The following PRORP variants were observed in gnomAD, a reference collection of about 807,000 sequenced individuals.
PRORP encodes the protein protein only RNase P catalytic subunit, also known as mitochondrial ribonuclease P catalytic subunit.
PRORP carries 51 observed loss-of-function variants against 59.4 expected under a neutral mutation model. That is an observed-to-expected ratio of 0.86 (90% CI 0.69 to 1.08). The LOEUF is 1.08. Ranked by LOEUF, PRORP falls within the 50% of genes least tolerant of loss-of-function variation. The pLI is 0.00. For synonymous variants in PRORP, 231 were observed against 245.6 expected (o/e 0.94, Z 0.55); for missense variants, 646 against 690.3 (o/e 0.94, Z 0.72).
At chr14:35,266,937 T>G in intron 6 of PRORP, 62 bp downstream of exon 6, 1 of 1,561,356 alleles carries the variant, frequency 6.4e-7, no homozygotes. Context: ...GCTTGTTAGT[T>G]ACCTACTTTA....
At position 35,186,294 on chromosome 14, in the gene PRORP, T is replaced by A. The variant is rs139163062; in HGVS notation, c.1275+5517T>A. Among the ~76,000 whole-genome samples the A allele has an allele frequency of 3.2e-3, 489 of 152,126 alleles. 1 individual carries two copies. The highest frequency in any genetic ancestry group is 5.4e-3 in the Non-Finnish European group (367 of 68,008). On this transcript the variant is annotated intron_variant, in intron 5 of 7. Transcript: ENST00000534898. ...CACCATGCCGCCTAGATTTTGCTTT[T>A]GGCACAATTGGAGACTTGGCCAAGT...
chr14:35,159,050 A>G (rs2047993871), intron 4 of PRORP: 1 of 269,560 alleles, frequency 3.7e-6, no homozygotes, highest in South Asian at 4.0e-5. Context: ...CAGAAGAACC[A>G]CGGTGCTGCT....
chr14:35,123,001 C>T lies in PRORP; in HGVS notation c.-245C>T. 1 of 503,926 alleles carries T rather than the reference C, an allele frequency of 2.0e-6. No individual in the cohort carries two copies. Among genetic ancestry groups the T allele is most frequent in the Non-Finnish European group, 3.6e-6 (1 of 279,964 alleles). The allele number at this position is 503,926 out of a possible 1,614,324, so 31.2% of individuals were successfully genotyped here. On this transcript the variant is annotated 5_prime_UTR_variant, in exon 2 of 8. Coordinates refer to ENST00000534898, the MANE Select transcript of PRORP (RefSeq NM_014672.4). ...CACCAGAGGATTCCTGCTCTGTCCC[C>T]TGGTTTGCGGCTTGCGACGTTGGAC...
chr14:35,272,098 A>G (rs986626385), intron 7 of PRORP, among the ~76,000 whole-genome samples: 1 of 152,192 alleles, frequency 6.6e-6, no homozygotes, highest in Non-Finnish European at 1.5e-5. Flanking sequence ...CAGTTAGATA[A>G]GAGGAATACG....
At chr14:35,125,812 A>G (rs1184854492) in intron 2 of PRORP, among the ~76,000 whole-genome samples, 2 of 152,302 alleles carry the variant, frequency 1.3e-5, no homozygotes, top group East Asian at 3.9e-4. Flanking sequence ...GCTTGAGGCC[A>G]GGAGTTGGAG....
chr14:35,152,687 G>A (rs1257583229), intron 4 of PRORP, among the ~76,000 whole-genome samples: 2 of 151,544 alleles, frequency 1.3e-5, no homozygotes, highest in African/African-American at 4.9e-5. Flanking sequence ...GGCGGCTGCC[G>A]GGCGGAGGGG....
At chr14:35,172,490 TCCTCTCTC>T (rs374315224) in intron 4 of PRORP, among the ~76,000 whole-genome samples, 39,183 of 101,674 alleles carry the variant, frequency 0.39, 8,192 homozygotes, top group Middle Eastern at 0.55. Context: ...TTCTTTCCCT[TCCTCTCTC>T]CCTCTCTCCC....
At chr14:35,181,783 C>CAAA (rs71121270) in intron 5 of PRORP, among the ~76,000 whole-genome samples, 6 of 109,384 alleles carry the variant, frequency 5.5e-5, no homozygotes, top group Admixed American at 1.0e-4. Flanking sequence ...AAAACTGTCT[C>CAAA]AAAAAAAAAA....
intron 5 of PRORP, among the ~76,000 whole-genome samples, chr14:35,227,300 C>G (rs1369667232): frequency 1.3e-5 from 2 of 151,498 alleles, no homozygotes; most frequent in East Asian, 3.9e-4. Flanking sequence ...AAAATTTAGT[C>G]GGGCGTGGTG....
chr14:35,257,802 G>A (rs1300826358), intron 5 of PRORP, among the ~76,000 whole-genome samples: 1 of 152,216 alleles, frequency 6.6e-6, no homozygotes, highest in Non-Finnish European at 1.5e-5. Context: ...CTCAGGAAGT[G>A]CCATAGACTG....
chr14:35,151,092 T>A (rs2047733892), intron 4 of PRORP, among the ~76,000 whole-genome samples: 1 of 152,176 alleles, frequency 6.6e-6, no homozygotes, highest in African/African-American at 2.4e-5. Context: ...AAAAGTGTTG[T>A]GAGTTCTTTA....
intron 5 of PRORP, among the ~76,000 whole-genome samples, chr14:35,182,213 C>T (rs1339284094): frequency 1.3e-5 from 2 of 152,088 alleles, no homozygotes; most frequent in Non-Finnish European, 2.9e-5. Context: ...TTTTAGTGAG[C>T]TGAGATCATG....
rs1311188824 is a variant in PRORP, at chr14:35,142,538, AT to A, written c.1167+14931del. ...TAATTTTTAAATTAAAAAAAAAAAAATTTTAGATAGGGTAGAGATGGCATTG... is the reference window on the plus strand; with the variant it reads ...TAATTTTTAAATTAAAAAAAAAAAAATTTAGATAGGGTAGAGATGGCATTG... On this transcript the variant is annotated intron_variant, in intron 4 of 7. Coordinates refer to ENST00000534898, the MANE Select transcript of PRORP (RefSeq NM_014672.4). 3.4e-3 allele frequency among the ~76,000 whole-genome samples: 391 copies of A among 114,296 alleles called. 12 individuals carry two copies. The highest frequency in any genetic ancestry group is 9.6e-3 in the African/African-American group (341 of 35,550). 75.0% of individuals were successfully genotyped at this position (114,296 alleles called of 152,430 possible).
chr14:35,252,443 A>T (rs1198523673), intron 5 of PRORP, among the ~76,000 whole-genome samples: 1 of 152,120 alleles, frequency 6.6e-6, no homozygotes, highest in African/African-American at 2.4e-5. Flanking sequence ...AAAAACAAAC[A>T]AACAAAAAAA....
chr14:35,125,597 A>G (rs11156874), intron 2 of PRORP, among the ~76,000 whole-genome samples: 27,329 of 151,800 alleles, frequency 0.18, 2,621 homozygotes, highest in Middle Eastern at 0.27. Flanking sequence ...TTTCCCCTAT[A>G]TCATGTTTAC....
intron 4 of PRORP, among the ~76,000 whole-genome samples, chr14:35,159,998 C>T (rs910665524): frequency 6.6e-6 from 1 of 152,202 alleles, no homozygotes; most frequent in Admixed American, 6.5e-5. Context: ...GTAGTGATTC[C>T]TAGCAGGAAT....
At chr14:35,199,893 A>C (rs925667000) in intron 5 of PRORP, among the ~76,000 whole-genome samples, 8 of 152,180 alleles carry the variant, frequency 5.3e-5, no homozygotes, top group African/African-American at 1.9e-4. Flanking sequence ...TTCCAATTAT[A>C]ATAGGTCTCT....
At position 35,270,450 on chromosome 14, in the gene PRORP, C is replaced by T. The variant is rs763715708; in HGVS notation, c.1474C>T (p.His492Tyr). The T allele has an allele frequency of 8.1e-6, 13 of 1,614,130 alleles. No individual in the cohort carries two copies. The highest frequency in any genetic ancestry group is 1.7e-4 in the Middle Eastern group (1 of 6,036). Residue 492 changes from histidine (H) to tyrosine (Y), a missense_variant, in exon 7 of 8, where the codon CAC (histidine) becomes TAC (tyrosine). By Grantham distance (83) the His-to-Tyr change is moderately conservative. Coordinates refer to ENST00000534898, the MANE Select transcript of PRORP (RefSeq NM_014672.4). ...LLYATLHSGNHCRFITRDLMR... is the reference protein window; with the variant it reads ...LLYATLHSGNYCRFITRDLMR... ...GTATGCCACACTGCACTCCGGGAAT[C>T]ACTGCAGGTTTATCACAAGAGACCT...
intron 5 of PRORP, among the ~76,000 whole-genome samples, chr14:35,246,015 C>T (rs1021297002): frequency 6.6e-6 from 1 of 152,082 alleles, no homozygotes; most frequent in Admixed American, 6.6e-5. Context: ...AATATTATTT[C>T]AGAATTTTGA....
Sources: gnomAD v4.1 joint callset for allele counts (sites outside exome capture counted in the v4.1 genomes callset) on GRCh38, gnomAD v4.1.1 for gene constraint, MANE v1.5 for transcripts, NCBI Gene and HGNC (gene_info 2026-07-23, HGNC 2026-07-21) for gene names.